Variants in MMP2 observed in about 807,000 individuals in gnomAD.
MMP2 encodes the protein matrix metallopeptidase 2, also known as 72 kDa type IV collagenase.
A neutral mutation model predicts 74.8 loss-of-function variants in MMP2; 39 were observed. The ratio of observed to expected loss-of-function variants is 0.52; its 90% CI spans 0.40 to 0.68. The LOEUF (loss-of-function observed/expected upper bound fraction) is 0.68. Ranked by LOEUF, MMP2 falls within the 30% of genes least tolerant of loss-of-function variation. The pLI, the probability that MMP2 is intolerant of heterozygous loss-of-function variation, is 0.00. For missense variants in MMP2, 803 were observed against 878.3 expected (o/e 0.91, Z 1.08); for synonymous variants, 367 against 339.8 (o/e 1.08, Z -0.88).
chr16:55,496,243 G>A (rs1283501874), intron 9 of MMP2, among the ~76,000 whole-genome samples: 1 of 152,146 alleles, frequency 6.6e-6, no homozygotes, highest in East Asian at 1.9e-4. Context: ...TGCACTTTGA[G>A]AACCAGTGGC....
intron 10 of MMP2, among the ~76,000 whole-genome samples, chr16:55,498,039 C>T (rs1043961991): frequency 3.3e-5 from 5 of 152,178 alleles, no homozygotes; most frequent in Admixed American, 6.5e-5. Context: ...TTAGAGTGCA[C>T]GACTTGGTGA....
At chr16:55,485,915 C>A in intron 5 of MMP2, 138 bp downstream of exon 5, 1 of 846,244 alleles carries the variant, frequency 1.2e-6, no homozygotes, top group Non-Finnish European at 1.9e-6. Context: ...ACGTCCTTCA[C>A]TCAGTTCCCC....
intron 6 of MMP2, 69 bp downstream of exon 6, chr16:55,488,785 G>T: frequency 2.0e-6 from 3 of 1,489,780 alleles, no homozygotes; most frequent in African/African-American, 2.8e-5. Flanking sequence ...AAACCCATAA[G>T]ACTCCGAGTG....
intron 1 of MMP2, chr16:55,481,688 T>C: frequency 1.8e-6 from 1 of 568,046 alleles, no homozygotes; most frequent in Admixed American, 3.1e-5. Flanking sequence ...CCAGAGGCAA[T>C]GCAGTGGGGG....
At chr16:55,498,227 G>A in intron 10 of MMP2, 62 bp from the exon 11 acceptor site, 1 of 1,602,058 alleles carries the variant, frequency 6.2e-7, no homozygotes, top group Non-Finnish European at 8.5e-7. Flanking sequence ...CAGATGATGG[G>A]AGGAACAGGC....
At chr16:55,484,698 C>G (rs17301608) in intron 3 of MMP2, among the ~76,000 whole-genome samples, 1 of 151,888 alleles carries the variant, frequency 6.6e-6, no homozygotes, top group Non-Finnish European at 1.5e-5. Context: ...GAGGAAGGGT[C>G]GTAGAACCTG....
chr16:55,480,005 A>G, intron 1 of MMP2: 2 of 301,056 alleles, frequency 6.6e-6, no homozygotes, highest in South Asian at 6.7e-5. Context: ...CTTTGTAAAC[A>G]ACTTTTGGAC....
At chr16:55,501,546 A>G (rs566106251) in intron 11 of MMP2, among the ~76,000 whole-genome samples, 3 of 152,302 alleles carry the variant, frequency 2.0e-5, no homozygotes, top group Admixed American at 6.5e-5. Context: ...GAGCTAGGGA[A>G]CTTGGTTTTG....
rs375769898 is a variant in MMP2, at chr16:55,502,827, C to T, written c.1818C>T (p.Ile606=). The stretch of plus-strand genomic sequence containing the variant: ...TGGATCCTGGCTTCCCCAAGCTCAT[C>T]GCAGATGCCTGGAATGCCATCCCCG... ...KKMDPGFPKL[I]ADAWNAIPDN... The change falls in exon 12 of 13, where the codon ATC becomes ATT. Residue 606 remains isoleucine, a synonymous_variant. Coordinates refer to ENST00000219070, the MANE Select transcript of MMP2 (RefSeq NM_004530.6). The T allele has an allele frequency of 5.5e-5, 88 of 1,613,988 alleles. No homozygotes were observed. The highest frequency in any genetic ancestry group is 1.3e-4 in the African/African-American group (10 of 74,928).
intron 8 of MMP2, among the ~76,000 whole-genome samples, chr16:55,492,523 A>T (rs1962436304): frequency 6.6e-6 from 1 of 151,832 alleles, no homozygotes; most frequent in South Asian, 2.1e-4. Flanking sequence ...GTTCATTTTT[A>T]AAAAATATTT....
intron 7 of MMP2, among the ~76,000 whole-genome samples, chr16:55,491,034 A>G (rs1272398069): frequency 6.6e-6 from 1 of 150,870 alleles, no homozygotes; most frequent in African/African-American, 2.4e-5. Context: ...CTGTCATGAC[A>G]TGGATGGCCT....
At chr16:55,484,836 G>A (rs901274594) in intron 3 of MMP2, among the ~76,000 whole-genome samples, 2 of 152,180 alleles carry the variant, frequency 1.3e-5, no homozygotes, top group Admixed American at 6.5e-5. Context: ...AGACAAGTGG[G>A]TGGGTGGTAC....
intron 9 of MMP2, among the ~76,000 whole-genome samples, chr16:55,493,825 T>C (rs911853321): frequency 1.3e-5 from 2 of 152,228 alleles, no homozygotes; most frequent in African/African-American, 4.8e-5. Context: ...CCTTCTAGAA[T>C]GGCGTTGCCC....
chr16:55,485,675 T>C lies in MMP2; in HGVS notation c.730T>C (p.Tyr244His). 6.2e-7 allele frequency: 1 copy of C among 1,613,654 alleles called. No individual in the cohort carries two copies. The highest frequency in any genetic ancestry group is 8.5e-7 in the Non-Finnish European group (1 of 1,179,904). Reference sequence around the variant, plus strand: ...CCCCTTCTTGTTCAATGGCAAGGAGTACAACAGCTGCACTGATACCGGCCG... The same window carrying C: ...CCCCTTCTTGTTCAATGGCAAGGAGCACAACAGCTGCACTGATACCGGCCG... ...KFPFLFNGKEYNSCTDTGRSD... is the reference protein window; with the variant it reads ...KFPFLFNGKEHNSCTDTGRSD... The change falls in exon 5 of 13, where the codon TAC becomes CAC. Residue 244 changes from tyrosine (Y) to histidine (H), a missense_variant. Tyr to His is a moderately conservative substitution (Grantham distance 83). Transcript: ENST00000219070.
intron 1 of MMP2, among the ~76,000 whole-genome samples, chr16:55,480,981 C>T (rs995586152): frequency 6.6e-6 from 1 of 152,126 alleles, no homozygotes; most frequent in Non-Finnish European, 1.5e-5. Context: ...TACACCTTTT[C>T]CAGCCAATGG....
At chr16:55,487,035 T>C (rs1962276842) in intron 5 of MMP2, 1 of 152,208 alleles carries the variant, frequency 6.6e-6, no homozygotes, top group African/African-American at 2.4e-5. Flanking sequence ...AAAAATATTT[T>C]TTGTATCTTG....
At position 55,491,832 on chromosome 16, in the gene MMP2, G is replaced by A; in HGVS notation, c.1212G>A (p.Glu404=). The A allele has an allele frequency of 2.5e-6, 4 of 1,614,210 alleles. No homozygotes were observed. The South Asian group carries it at 4.4e-5, about 18-fold the overall frequency. Residue 404 remains glutamate (E), a synonymous_variant, in exon 8 of 13, where the codon GAG becomes GAA. Transcript: ENST00000219070. ...GYSLFLVAAH[E]FGHAMGLEHS... ...GCCTGTTCCTCGTGGCAGCCCACGA[G>A]TTTGGCCACGCCATGGGGCTGGAGC...
chr16:55,503,028 C>T (rs1962710018), intron 12 of MMP2, 140 bp downstream of exon 12: 1 of 727,910 alleles, frequency 1.4e-6, no homozygotes, highest in African/African-American at 1.7e-5. Context: ...CTCCTTCATC[C>T]TAGTGCTGGG....
intron 7 of MMP2, among the ~76,000 whole-genome samples, chr16:55,490,764 C>T (rs1962385439): frequency 6.6e-6 from 1 of 152,206 alleles, no homozygotes. Flanking sequence ...TGCTAAATTC[C>T]TTGCTAGGAC....
Sources: gnomAD v4.1 joint callset for allele counts (sites outside exome capture counted in the v4.1 genomes callset) on GRCh38, gnomAD v4.1.1 for gene constraint, MANE v1.5 for transcripts, NCBI Gene and HGNC (gene_info 2026-07-23, HGNC 2026-07-21) for gene names.